DIAPH3: variants seen among roughly 807,000 people sequenced by gnomAD.
The protein encoded by DIAPH3 is protein diaphanous homolog 3.
Under a neutral mutation model 144.3 loss-of-function variants are expected in DIAPH3, and 117 were observed. The observed-to-expected ratio is 0.81, with a 90% confidence interval of 0.70 to 0.95. The LOEUF (loss-of-function observed/expected upper bound fraction) is 0.95. Among genes scored for constraint, DIAPH3 ranks in the 40% least tolerant of loss-of-function variants. DIAPH3 has a pLI of 0.00. For missense variants in DIAPH3, 1,421 were observed against 1,412.7 expected, an observed-to-expected ratio of 1.01 and a Z score of -0.09; for synonymous variants, 519 against 488.9, an observed-to-expected ratio of 1.06 and a Z score of -0.81.
intron 27 of DIAPH3, among the ~76,000 whole-genome samples, chr13:59,742,177 A>G (rs1264249103): frequency 6.6e-6 from 1 of 152,124 alleles, no homozygotes; most frequent in Admixed American, 6.5e-5. Flanking sequence ...CCCATGATTT[A>G]ATTATCTCTA....
At chr13:59,951,553 T>G (rs2049099420) in intron 17 of DIAPH3, among the ~76,000 whole-genome samples, 1 of 152,170 alleles carries the variant, frequency 6.6e-6, no homozygotes, top group South Asian at 2.1e-4. Flanking sequence ...TTTATGAATC[T>G]TCTGCCATCA....
chr13:60,119,884 ATAGT>A (rs1318116336), intron 2 of DIAPH3, among the ~76,000 whole-genome samples: 6 of 152,122 alleles, frequency 3.9e-5, no homozygotes, highest in African/African-American at 1.2e-4. Flanking sequence ...ACAGTACCTG[ATAGT>A]TAGCAGTCAG....
intron 21 of DIAPH3, among the ~76,000 whole-genome samples, chr13:59,870,348 C>T (rs1443755224): frequency 6.6e-6 from 1 of 151,850 alleles, no homozygotes; most frequent in Non-Finnish European, 1.5e-5. Flanking sequence ...TTCCCTTTGG[C>T]CAATACCACA....
At chr13:59,784,722 A>G (rs1392816599) in intron 25 of DIAPH3, among the ~76,000 whole-genome samples, 1 of 152,144 alleles carries the variant, frequency 6.6e-6, no homozygotes, top group Non-Finnish European at 1.5e-5. Context: ...GAAGATTACA[A>G]TCTGGAATTT....
intron 22 of DIAPH3, chr13:59,861,174 TA>T: frequency 1.4e-6 from 2 of 1,381,068 alleles, no homozygotes; most frequent in South Asian, 1.6e-5. Context: ...GTTTAAACTG[TA>T]AAACAAAGTA....
At chr13:59,699,773 G>A (rs977661781) in intron 27 of DIAPH3, among the ~76,000 whole-genome samples, 4 of 152,118 alleles carry the variant, frequency 2.6e-5, no homozygotes, top group African/African-American at 9.7e-5. Context: ...TAAATTAGGT[G>A]GAAAGAGCTA....
At chr13:59,675,278 G>A (rs574783376) in intron 27 of DIAPH3, among the ~76,000 whole-genome samples, 1 of 152,228 alleles carries the variant, frequency 6.6e-6, no homozygotes, top group Non-Finnish European at 1.5e-5. Context: ...ATGTTGCTCA[G>A]GCTCACCTAG....
chr13:59,888,180 G>C (rs1286136296), intron 20 of DIAPH3, among the ~76,000 whole-genome samples: 1 of 151,980 alleles, frequency 6.6e-6, no homozygotes, highest in Non-Finnish European at 1.5e-5. Flanking sequence ...GGGGTGATTG[G>C]ATCATGAGGG....
At position 59,924,777 on chromosome 13, in the gene DIAPH3, AG is replaced by A; in HGVS notation, c.2167del (p.Leu723PhefsTer5). 6.2e-7 allele frequency: 1 copy of A among 1,600,720 alleles called. No homozygotes were observed. The highest frequency in any genetic ancestry group is 8.5e-7 in the Non-Finnish European group (1 of 1,170,836). On this transcript the variant is annotated frameshift_variant, in exon 18 of 28. Transcript: ENST00000400324. LOFTEE classifies it high-confidence loss of function. Reference sequence around the variant, plus strand: ...TGGTATTGGAATATGATACTTACAAAGGTTCTGGGCAATTTTAGAATCTAAA... The same window carrying A: ...TGGTATTGGAATATGATACTTACAAAGTTCTGGGCAATTTTAGAATCTAAA... Reference protein sequence around the residue: ...KFLDSKIAQNLSIFLSSFRVP... With the variant: ...KFLDSKIAQNXSIFLSSFRVP...
chr13:59,941,052 T>C (rs944826609), intron 17 of DIAPH3, among the ~76,000 whole-genome samples: 48 of 152,142 alleles, frequency 3.2e-4, no homozygotes, highest in Non-Finnish European at 4.7e-4. Context: ...GGAGAAAAGA[T>C]AAACCCTAGA....
intron 1 of DIAPH3, among the ~76,000 whole-genome samples, chr13:60,142,610 A>G (rs2059448086): frequency 6.6e-6 from 1 of 152,152 alleles, no homozygotes; most frequent in African/African-American, 2.4e-5. Context: ...TGCGAGTCCC[A>G]GCAACAGGGA....
At chr13:59,679,123 C>G (rs1209863272) in intron 27 of DIAPH3, among the ~76,000 whole-genome samples, 1 of 152,128 alleles carries the variant, frequency 6.6e-6, no homozygotes, top group Non-Finnish European at 1.5e-5. Context: ...ATAAGTCAAG[C>G]AAAGAGGACC....
At chr13:59,941,434 A>C (rs74419509) in intron 17 of DIAPH3, among the ~76,000 whole-genome samples, 2 of 152,146 alleles carry the variant, frequency 1.3e-5, no homozygotes, top group East Asian at 3.9e-4. Flanking sequence ...AAGGAGAGCC[A>C]CCTGGGGAGT....
At chr13:59,920,415 A>T (rs1367853526) in intron 18 of DIAPH3, among the ~76,000 whole-genome samples, 1 of 151,870 alleles carries the variant, frequency 6.6e-6, no homozygotes, top group Non-Finnish European at 1.5e-5. Flanking sequence ...CATCAGATAA[A>T]ATATACTTTA....
At chr13:60,021,636 CAG>C (rs1460397427) in intron 5 of DIAPH3, among the ~76,000 whole-genome samples, 1 of 144,156 alleles carries the variant, frequency 6.9e-6, no homozygotes, top group Non-Finnish European at 1.5e-5. Flanking sequence ...CACTGCACTC[CAG>C]CCTGGGCAAC....
intron 13 of DIAPH3, among the ~76,000 whole-genome samples, chr13:59,982,115 C>A (rs950630376): frequency 6.6e-6 from 1 of 151,446 alleles, no homozygotes; most frequent in East Asian, 1.9e-4. Flanking sequence ...CATAGAAATA[C>A]AATGACATTC....
intron 27 of DIAPH3, among the ~76,000 whole-genome samples, chr13:59,714,115 C>A (rs2138851285): frequency 6.6e-6 from 1 of 152,196 alleles, no homozygotes; most frequent in Non-Finnish European, 1.5e-5. Flanking sequence ...AATCCCAGGA[C>A]TTTGGGAGGC....
At chr13:60,083,992 T>TGATA (rs59715618) in intron 4 of DIAPH3, among the ~76,000 whole-genome samples, 20,223 of 142,666 alleles carry the variant, frequency 0.14, 1,736 homozygotes, top group Non-Finnish European at 0.17. Context: ...CACTTTTGAG[T>TGATA]GATAGATAGA....
intron 24 of DIAPH3, among the ~76,000 whole-genome samples, chr13:59,827,108 C>T (rs553520197): frequency 6.6e-6 from 1 of 151,646 alleles, no homozygotes; most frequent in Non-Finnish European, 1.5e-5. Flanking sequence ...TTACCATTCA[C>T]GACATAGGCA....
Sources: gnomAD v4.1 joint callset for allele counts (sites outside exome capture counted in the v4.1 genomes callset) on GRCh38, gnomAD v4.1.1 for gene constraint, MANE v1.5 for transcripts, NCBI Gene and HGNC (gene_info 2026-07-23, HGNC 2026-07-21) for gene names.